Variants in ITGA9 observed in about 807,000 individuals in gnomAD.
ITGA9 encodes integrin subunit alpha 9, also known as integrin alpha-9.
A neutral mutation model predicts 127.8 loss-of-function variants in ITGA9; 56 were observed. The ratio of observed to expected loss-of-function variants is 0.44; its 90% CI spans 0.35 to 0.55. The LOEUF is 0.55. Ranked by LOEUF, ITGA9 falls within the 20% of genes least tolerant of loss-of-function variation. ITGA9 has a pLI of 0.00. For missense variants in ITGA9, 1,196 were observed against 1,347.1 expected (o/e 0.89, Z 1.76); for synonymous variants, 508 against 514.5 (o/e 0.99, Z 0.17).
At chr3:37,637,042 A>T (rs147400158) in intron 16 of ITGA9, among the ~76,000 whole-genome samples, 10,912 of 152,216 alleles carry the variant, frequency 0.072, 438 homozygotes, top group Middle Eastern at 0.14. Context: ...GTAGCCTTGT[A>T]GTATAATTTA....
In ITGA9 at chr3:37,653,789, A is replaced by G; in HGVS notation, c.1915A>G (p.Ser639Gly). ...GCTTCAGGGTAAACTGCTGCTCTCC[A>G]GGTATGTCGGTGTTTCCTTCAGAGC... ...LQLQGKLLLS[S>G]MDEKTLYLAL... Residue 639 changes from serine to glycine, a missense_variant and splice_region_variant, in exon 17 of 28, where the codon AGT becomes GGT. Coordinates refer to ENST00000264741, the MANE Select transcript of ITGA9 (RefSeq NM_002207.3). The G allele has an allele frequency of 6.2e-7, 1 of 1,611,340 alleles. No individual in the cohort carries two copies. Among genetic ancestry groups the G allele is most frequent in the Non-Finnish European group, 8.5e-7 (1 of 1,177,522 alleles).
At chr3:37,769,407 G>A (rs1002500582) in intron 23 of ITGA9, among the ~76,000 whole-genome samples, 1 of 150,932 alleles carries the variant, frequency 6.6e-6, no homozygotes, top group Non-Finnish European at 1.5e-5. Context: ...AATTTTGAGC[G>A]ACGTTAATCC....
At chr3:37,792,385 G>T (rs920229293) in intron 26 of ITGA9, among the ~76,000 whole-genome samples, 1 of 152,192 alleles carries the variant, frequency 6.6e-6, no homozygotes, top group Non-Finnish European at 1.5e-5. Flanking sequence ...TCCAGTTGAG[G>T]TTAGTCCCCA....
Position 37,692,418 on chromosome 3 carries a change from T to A in ITGA9, c.2067+8403T>A, listed in dbSNP as rs865988640. ...AGGATTGAGAGAGAGAGAGAGTGTGTGTGTGTGTGTGTGTGTGTGTGTGTG... is the reference window on the plus strand; with the variant it reads ...AGGATTGAGAGAGAGAGAGAGTGTGAGTGTGTGTGTGTGTGTGTGTGTGTG... On this transcript the variant is annotated intron_variant, in intron 18 of 27. Transcript: ENST00000264741. Among the ~76,000 whole-genome samples the A allele has an allele frequency of 7.8e-3, 1,181 of 151,300 alleles. 13 individuals carry two copies. Among genetic ancestry groups the A allele is most frequent in the Middle Eastern group, 0.027 (8 of 292 alleles).
intron 16 of ITGA9, among the ~76,000 whole-genome samples, chr3:37,651,369 A>T (rs1338321603): frequency 2.0e-5 from 3 of 152,154 alleles, no homozygotes; most frequent in African/African-American, 7.2e-5. Context: ...AGGGGCCTGG[A>T]GCTTTGGTTT....
intron 15 of ITGA9, chr3:37,585,585 G>GT (rs773999212): frequency 2.0e-6 from 1 of 511,384 alleles, no homozygotes; most frequent in African/African-American, 1.9e-5. Context: ...AATTATGGGG[G>GT]TTTTATCTCC....
intron 23 of ITGA9, among the ~76,000 whole-genome samples, chr3:37,767,758 A>G (rs1471281724): frequency 6.6e-6 from 1 of 152,206 alleles, no homozygotes; most frequent in African/African-American, 2.4e-5. Flanking sequence ...GGTAAATATC[A>G]GAAAATCCAA....
chr3:37,670,713 A>T (rs529210123), intron 17 of ITGA9, among the ~76,000 whole-genome samples: 4 of 152,284 alleles, frequency 2.6e-5, no homozygotes, highest in African/African-American at 2.4e-5. Flanking sequence ...TGTTTTTTTT[A>T]AAGCATATTG....
intron 1 of ITGA9, among the ~76,000 whole-genome samples, chr3:37,453,891 C>G (rs2125543923): frequency 6.6e-6 from 1 of 152,340 alleles, no homozygotes; most frequent in South Asian, 2.1e-4. Flanking sequence ...AGCTCTCGCC[C>G]AGCTCCACAT....
intron 27 of ITGA9, among the ~76,000 whole-genome samples, chr3:37,805,561 G>C (rs1033175915): frequency 2.0e-5 from 3 of 152,152 alleles, no homozygotes; most frequent in Non-Finnish European, 4.4e-5. Flanking sequence ...TATCCCTGGA[G>C]CCAAATATTT....
At chr3:37,744,067 G>A (rs762571088) in intron 22 of ITGA9, 33 bp downstream of exon 22, 2 of 1,409,704 alleles carry the variant, frequency 1.4e-6, no homozygotes, top group African/African-American at 1.4e-5. Context: ...TCTGTCCGTG[G>A]GGGCTAACGG....
chr3:37,781,321 G>C (rs544295842), intron 25 of ITGA9, among the ~76,000 whole-genome samples: 1 of 152,182 alleles, frequency 6.6e-6, no homozygotes, highest in Non-Finnish European at 1.5e-5. Context: ...ACAGTCTCTT[G>C]CAACTGTTCA....
At chr3:37,762,774 A>G (rs1217925993) in intron 23 of ITGA9, among the ~76,000 whole-genome samples, 1 of 152,196 alleles carries the variant, frequency 6.6e-6, no homozygotes, top group Non-Finnish European at 1.5e-5. Context: ...GTCTTGCGCC[A>G]TCCTTTTGTC....
Position 37,518,771 on chromosome 3 carries a change from C to CTTTTT in ITGA9, c.1142-462_1142-458dup, listed in dbSNP as rs543297344. On this transcript the variant is annotated intron_variant, in intron 10 of 27. Transcript: ENST00000264741. ...GTCAGCTTCTATAGTTTTCACTGTA[C>CTTTTT]TTTTTTTTTTTTTTTTTTTTTTTTT... Among the ~76,000 whole-genome samples, 285 of 43,524 alleles carry CTTTTT rather than the reference C, an allele frequency of 6.5e-3. 53 individuals carry two copies. The highest frequency in any genetic ancestry group is 7.3e-3 in the Non-Finnish European group (179 of 24,496). The allele number at this position is 43,524 out of a possible 152,430, so 28.6% of individuals were successfully genotyped here.
chr3:37,566,365 T>C lies in ITGA9; in HGVS notation c.1689+23780T>C, dbSNP rs879913133. 3.2e-4 allele frequency among the ~76,000 whole-genome samples: 49 copies of C among 152,316 alleles called. 1 individual carries two copies. Among genetic ancestry groups the C allele is most frequent in the Admixed American group, 2.9e-3 (45 of 15,302 alleles). On this transcript the variant is annotated intron_variant, in intron 15 of 27. Transcript: ENST00000264741. ...ATGGCATGAGATTTCATCACACTAC[T>C]CAGAATAGCATGCAGTTTAAAACTT... is the stretch of plus-strand genomic sequence containing the variant.
chr3:37,788,505 A>C (rs1484872258), intron 26 of ITGA9, among the ~76,000 whole-genome samples: 1 of 152,136 alleles, frequency 6.6e-6, no homozygotes, highest in Non-Finnish European at 1.5e-5. Context: ...CCTTAAATTT[A>C]AGTAAGGTAG....
intron 13 of ITGA9, 59 bp downstream of exon 13, chr3:37,526,130 T>G: frequency 1.4e-6 from 2 of 1,419,328 alleles, no homozygotes; most frequent in Non-Finnish European, 2.0e-6. Context: ...GATGGAGCCA[T>G]TCACCATTCA....
chr3:37,483,494 G>T (rs1698577603), intron 4 of ITGA9, among the ~76,000 whole-genome samples: 1 of 152,164 alleles, frequency 6.6e-6, no homozygotes. Context: ...GTGAGGCAGG[G>T]GGAAGTAAGA....
At chr3:37,585,469 A>C (rs1699748952) in intron 15 of ITGA9, among the ~76,000 whole-genome samples, 1 of 152,208 alleles carries the variant, frequency 6.6e-6, no homozygotes, top group South Asian at 2.1e-4. Context: ...AATTCATTAG[A>C]GCGAATTCAA....
Sources: gnomAD v4.1 joint callset for allele counts (sites outside exome capture counted in the v4.1 genomes callset) on GRCh38, gnomAD v4.1.1 for gene constraint, MANE v1.5 for transcripts, NCBI Gene and HGNC (gene_info 2026-07-23, HGNC 2026-07-21) for gene names.